Variants in DGKH observed in about 807,000 individuals in gnomAD.
The protein encoded by DGKH is diacylglycerol kinase eta, also known as DAG kinase eta.
A neutral mutation model predicts 159.3 loss-of-function variants in DGKH; 90 were observed. That is an observed-to-expected ratio of 0.57 (90% CI 0.48 to 0.67). The LOEUF (loss-of-function observed/expected upper bound fraction) is 0.67, where lower values mean the gene tolerates loss of function less well. Ranked by LOEUF, DGKH falls within the 30% of genes least tolerant of loss-of-function variation. The pLI is 0.00. For missense variants in DGKH, 1,181 were observed against 1,506.1 expected (o/e 0.78, Z 3.57); for synonymous variants, 536 against 553.8 (o/e 0.97, Z 0.45).
intron 1 of DGKH, among the ~76,000 whole-genome samples, chr13:42,089,547 T>A (rs1954374607): frequency 6.6e-6 from 1 of 152,206 alleles, no homozygotes; most frequent in South Asian, 2.1e-4. Flanking sequence ...AATCTATTTC[T>A]TTGCCTTCTC....
chr13:42,165,900 G>A (rs541564706), intron 8 of DGKH, among the ~76,000 whole-genome samples: 25 of 152,116 alleles, frequency 1.6e-4, no homozygotes, highest in African/African-American at 5.1e-4. Context: ...CTACAACACC[G>A]GTTTTGGGAT....
intron 1 of DGKH, among the ~76,000 whole-genome samples, chr13:42,119,088 G>C (rs1014003568): frequency 2.6e-5 from 4 of 152,040 alleles, no homozygotes; most frequent in Admixed American, 2.6e-4. Context: ...TCTGTGTTTG[G>C]GTTTAGGAAT....
chr13:42,237,888 C>A lies in DGKH; in HGVS notation c.*8700C>A, dbSNP rs1221928535. The stretch of plus-strand genomic sequence containing the variant: ...GACCAAGGAGATTTTCTTAAACTTG[C>A]TAAGCCTTTCTTAAACTTGCCAAGT... On this transcript the variant is annotated 3_prime_UTR_variant, in exon 30 of 30. Transcript: ENST00000337343. 2 of 152,206 alleles carry A rather than the reference C, an allele frequency of 1.3e-5. No individual in the cohort carries two copies. The highest frequency in any genetic ancestry group is 2.9e-5 in the Non-Finnish European group (2 of 68,032). 9.4% of individuals were successfully genotyped at this position (152,206 alleles called of 1,614,324 possible).
intron 1 of DGKH, among the ~76,000 whole-genome samples, chr13:42,122,197 G>A (rs753106966): frequency 1.3e-5 from 2 of 152,204 alleles, no homozygotes; most frequent in Admixed American, 6.6e-5. Context: ...GAGGGCATGA[G>A]TGCTTCATGA....
chr13:42,180,722 G>A (rs1956729575), intron 13 of DGKH, among the ~76,000 whole-genome samples: 1 of 152,010 alleles, frequency 6.6e-6, no homozygotes, highest in African/African-American at 2.4e-5. Flanking sequence ...ATGCTTCCAG[G>A]CCTTTACAAC....
intron 1 of DGKH, among the ~76,000 whole-genome samples, chr13:42,087,113 T>A (rs865882849): frequency 0.011 from 1,514 of 138,656 alleles, 22 homozygotes; most frequent in African/African-American, 0.036. Flanking sequence ...CAACAATCCT[T>A]GAAGCTCATA....
chr13:42,254,995 AT>A (rs1958647634), intron 30 of DGKH, among the ~76,000 whole-genome samples: 1 of 152,086 alleles, frequency 6.6e-6, no homozygotes, highest in Admixed American at 6.6e-5. Context: ...AAATTTTTAT[AT>A]TGACTAATTG....
intron 3 of DGKH, among the ~76,000 whole-genome samples, chr13:42,151,513 A>G (rs567076663): frequency 4.7e-3 from 482 of 102,414 alleles, no homozygotes; most frequent in East Asian, 0.013. Flanking sequence ...GTGTATACAC[A>G]TGTATATATA....
chr13:42,146,708 C>T (rs188342951), intron 3 of DGKH, among the ~76,000 whole-genome samples: 47 of 152,240 alleles, frequency 3.1e-4, no homozygotes, highest in African/African-American at 1.1e-3. Flanking sequence ...TGTGTGTGCA[C>T]ACATGCATGC....
At chr13:42,061,902 C>G (rs1882197818) in intron 1 of DGKH, among the ~76,000 whole-genome samples, 1 of 151,892 alleles carries the variant, frequency 6.6e-6, no homozygotes, top group African/African-American at 2.4e-5. Context: ...TACACAGACA[C>G]AGTTCTATCA....
chr13:42,163,375 C>A (rs1956238797), intron 7 of DGKH, among the ~76,000 whole-genome samples: 1 of 152,050 alleles, frequency 6.6e-6, no homozygotes, highest in African/African-American at 2.4e-5. Context: ...GGGTATATAC[C>A]CAGTAATGGG....
intron 1 of DGKH, among the ~76,000 whole-genome samples, chr13:42,084,955 T>G (rs554547535): frequency 1.3e-5 from 2 of 152,218 alleles, no homozygotes; most frequent in Admixed American, 1.3e-4. Flanking sequence ...TAAATAGATA[T>G]GTATGCATTC....
chr13:42,251,175 G>A (rs1958617540), intron 29 of DGKH, among the ~76,000 whole-genome samples: 1 of 152,114 alleles, frequency 6.6e-6, no homozygotes, highest in African/African-American at 2.4e-5. Flanking sequence ...AAAGCTCTGT[G>A]AATTTAAATA....
intron 1 of DGKH, among the ~76,000 whole-genome samples, chr13:42,084,593 T>G (rs1044752794): frequency 2.0e-5 from 3 of 152,174 alleles, no homozygotes; most frequent in African/African-American, 7.2e-5. Flanking sequence ...TGCGTATTTT[T>G]AAACAAATGT....
chr13:42,063,939 G>GAAAA (rs77810411), intron 1 of DGKH, among the ~76,000 whole-genome samples: 10 of 120,918 alleles, frequency 8.3e-5, no homozygotes, highest in African/African-American at 2.5e-4. Flanking sequence ...AACTCCGTCT[G>GAAAA]AAAAAAAAAA....
intron 1 of DGKH, among the ~76,000 whole-genome samples, chr13:42,061,787 C>T (rs1160441399): frequency 2.0e-5 from 3 of 152,106 alleles, no homozygotes; most frequent in Non-Finnish European, 2.9e-5. Flanking sequence ...ATTCATTCAA[C>T]CAATTTTTAT....
chr13:42,089,945 A>G (rs1954385189), intron 1 of DGKH, among the ~76,000 whole-genome samples: 1 of 152,150 alleles, frequency 6.6e-6, no homozygotes, highest in Non-Finnish European at 1.5e-5. Context: ...GAAAAAAAAC[A>G]AACCCCAGAA....
chr13:42,158,272 A>G (rs1449041838), intron 5 of DGKH, among the ~76,000 whole-genome samples: 1 of 152,264 alleles, frequency 6.6e-6, no homozygotes, highest in East Asian at 1.9e-4. Flanking sequence ...GAAATCCAGA[A>G]AAATCACATG....
At chr13:42,103,759 G>A (rs1954694685) in intron 1 of DGKH, among the ~76,000 whole-genome samples, 1 of 152,164 alleles carries the variant, frequency 6.6e-6, no homozygotes, top group Non-Finnish European at 1.5e-5. Flanking sequence ...CTAAAGCCAG[G>A]AATAGAGTCA....
Sources: gnomAD v4.1 joint callset for allele counts (sites outside exome capture counted in the v4.1 genomes callset) on GRCh38, gnomAD v4.1.1 for gene constraint, MANE v1.5 for transcripts, NCBI Gene and HGNC (gene_info 2026-07-23, HGNC 2026-07-21) for gene names.